Variants in GABRB2 observed in about 807,000 individuals in gnomAD.
GABRB2 encodes gamma-aminobutyric acid receptor subunit beta-2.
GABRB2 carries 16 observed loss-of-function variants against 54.7 expected under a neutral mutation model. The ratio of observed to expected loss-of-function variants is 0.29; its 90% CI spans 0.20 to 0.44. GABRB2 has a LOEUF of 0.44. Among genes scored for constraint, GABRB2 ranks in the 20% least tolerant of loss-of-function variants. GABRB2 has a pLI of 1.00. For missense variants in GABRB2, 355 were observed against 644.0 expected, an observed-to-expected ratio of 0.55 and a Z score of 4.86; for synonymous variants, 244 against 233.8, an observed-to-expected ratio of 1.04 and a Z score of -0.40.
At chr5:161,296,749 G>A (rs912061895) in intron 9 of GABRB2, among the ~76,000 whole-genome samples, 1 of 152,234 alleles carries the variant, frequency 6.6e-6, no homozygotes, top group Non-Finnish European at 1.5e-5. Flanking sequence ...CGGAATTGCT[G>A]CTGCATCCTA....
intron 3 of GABRB2, among the ~76,000 whole-genome samples, chr5:161,527,602 T>G (rs1018172480): frequency 6.6e-6 from 1 of 151,220 alleles, no homozygotes; most frequent in Non-Finnish European, 1.5e-5. Context: ...CCTTAATACA[T>G]AAAAAGTTAC....
At chr5:161,389,286 T>C (rs2113028453) in intron 5 of GABRB2, among the ~76,000 whole-genome samples, 1 of 152,146 alleles carries the variant, frequency 6.6e-6, no homozygotes, top group South Asian at 2.1e-4. Context: ...TGTACCTGAT[T>C]TGATCTTAGC....
At chr5:161,352,308 C>T (rs981227389) in intron 5 of GABRB2, among the ~76,000 whole-genome samples, 2 of 151,616 alleles carry the variant, frequency 1.3e-5, no homozygotes, top group Admixed American at 6.6e-5. Context: ...AACCTGTGTC[C>T]ATCAATGGAT....
At chr5:161,432,276 A>T (rs888535010) in intron 4 of GABRB2, among the ~76,000 whole-genome samples, 9 of 152,218 alleles carry the variant, frequency 5.9e-5, no homozygotes, top group Non-Finnish European at 1.3e-4. Context: ...CAGCAGTCCA[A>T]GGGCAGAATC....
intron 3 of GABRB2, among the ~76,000 whole-genome samples, chr5:161,498,335 G>A (rs976366864): frequency 4.5e-5 from 5 of 111,192 alleles, no homozygotes; most frequent in African/African-American, 1.8e-4. Flanking sequence ...AGTTGAGACA[G>A]AGTCAAAATC....
At chr5:161,325,834 T>G (rs1242273072) in intron 9 of GABRB2, among the ~76,000 whole-genome samples, 1 of 152,110 alleles carries the variant, frequency 6.6e-6, no homozygotes, top group African/African-American at 2.4e-5. Context: ...TTATTGGCTT[T>G]TATCTATCAT....
At chr5:161,297,537 G>T (rs538256931) in intron 9 of GABRB2, among the ~76,000 whole-genome samples, 3 of 152,022 alleles carry the variant, frequency 2.0e-5, no homozygotes, top group Non-Finnish European at 4.4e-5. Context: ...GTAGTGTTTG[G>T]TTTTCTGTTC....
At chr5:161,545,993 G>A (rs902505173) in intron 2 of GABRB2, among the ~76,000 whole-genome samples, 1 of 152,218 alleles carries the variant, frequency 6.6e-6, no homozygotes, top group African/African-American at 2.4e-5. Context: ...TCCGCAAGCC[G>A]GGTTCTCTCG....
intron 9 of GABRB2, among the ~76,000 whole-genome samples, chr5:161,317,932 CT>C (rs1480399135): frequency 6.6e-6 from 1 of 151,904 alleles, no homozygotes; most frequent in Non-Finnish European, 1.5e-5. Flanking sequence ...CCATTATAAA[CT>C]GCAAAGGGAG....
chr5:161,414,852 C>A (rs967969487), intron 4 of GABRB2, among the ~76,000 whole-genome samples: 6 of 152,002 alleles, frequency 3.9e-5, no homozygotes, highest in African/African-American at 1.4e-4. Flanking sequence ...TAGTAAGTGC[C>A]TTATTTAACT....
At chr5:161,297,897 T>G (rs252961) in intron 9 of GABRB2, among the ~76,000 whole-genome samples, 1 of 151,928 alleles carries the variant, frequency 6.6e-6, no homozygotes, top group Non-Finnish European at 1.5e-5. Flanking sequence ...ACACTCCCAC[T>G]AACAGTGTAA....
At chr5:161,436,583 A>G (rs1421007940) in intron 4 of GABRB2, among the ~76,000 whole-genome samples, 1 of 151,948 alleles carries the variant, frequency 6.6e-6, no homozygotes, top group Non-Finnish European at 1.5e-5. Flanking sequence ...CAAGAGCAAG[A>G]TGGCAGAATA....
At chr5:161,445,512 A>AG (rs1416396652) in intron 4 of GABRB2, among the ~76,000 whole-genome samples, 1 of 152,122 alleles carries the variant, frequency 6.6e-6, no homozygotes, top group East Asian at 1.9e-4. Flanking sequence ...CATGATGGGA[A>AG]GGGGGAGTTG....
At chr5:161,533,722 G>T (rs552407372) in intron 3 of GABRB2, among the ~76,000 whole-genome samples, 125 of 152,158 alleles carry the variant, frequency 8.2e-4, no homozygotes, top group Non-Finnish European at 1.4e-3. Flanking sequence ...AATTATCAAT[G>T]TGCTCATATG....
chr5:161,321,667 C>A (rs253003), intron 9 of GABRB2, among the ~76,000 whole-genome samples: 2 of 151,930 alleles, frequency 1.3e-5, no homozygotes, highest in East Asian at 1.9e-4. Flanking sequence ...TACTTTCTCC[C>A]TCTCAGAAAC....
chr5:161,482,475 A>G (rs1188975979), intron 3 of GABRB2, among the ~76,000 whole-genome samples: 1 of 152,090 alleles, frequency 6.6e-6, no homozygotes, highest in African/African-American at 2.4e-5. Flanking sequence ...CGTGGCAGAA[A>G]AGGAGCATCT....
intron 9 of GABRB2, among the ~76,000 whole-genome samples, chr5:161,309,821 C>T (rs549399554): frequency 1.8e-4 from 28 of 152,002 alleles, no homozygotes; most frequent in African/African-American, 5.8e-4. Context: ...TTAGTAGAGA[C>T]GGGGTTTCAC....
chr5:161,536,796 T>TCTCTAATAA (rs1255876224), intron 3 of GABRB2, among the ~76,000 whole-genome samples: 2 of 152,042 alleles, frequency 1.3e-5, no homozygotes, highest in Non-Finnish European at 2.9e-5. Context: ...CGGGGTTTTG[T>TCTCTAATAA]AATGTTTGCC....
chr5:161,458,486 C>A (rs1384328292), intron 4 of GABRB2, among the ~76,000 whole-genome samples: 1 of 152,098 alleles, frequency 6.6e-6, no homozygotes, highest in East Asian at 1.9e-4. Context: ...AACAAAACAG[C>A]TGAATCTAAG....
Sources: gnomAD v4.1 joint callset for allele counts (sites outside exome capture counted in the v4.1 genomes callset) on GRCh38, gnomAD v4.1.1 for gene constraint, MANE v1.5 for transcripts, NCBI Gene and HGNC (gene_info 2026-07-23, HGNC 2026-07-21) for gene names.